Variants in XNDC1N observed in about 807,000 individuals in gnomAD.
The protein encoded by XNDC1N is protein XNDC1N.
the XNDC1N span, chr11:71,903,418 C>G: frequency 8.0e-7 from 1 of 1,249,466 alleles, no homozygotes; most frequent in Non-Finnish European, 1.2e-6. Flanking sequence ...CACCTCCACA[C>G]GGTCCCCAAG....
the XNDC1N span, among the ~76,000 whole-genome samples, chr11:71,870,360 C>T: frequency 6.6e-6 from 1 of 152,154 alleles, no homozygotes; most frequent in East Asian, 1.9e-4. Flanking sequence ...CAGCTCATTA[C>T]TCCGGGGCTG....
At chr11:71,914,188 C>T in the XNDC1N span, 8 of 412,400 alleles carry the variant, frequency 1.9e-5, no homozygotes, top group East Asian at 7.3e-5. Flanking sequence ...ATATAGATAG[C>T]GATTCCTCTG....
chr11:71,899,860 G>C, the XNDC1N span, among the ~76,000 whole-genome samples: 8 of 152,198 alleles, frequency 5.3e-5, no homozygotes, highest in Admixed American at 5.2e-4. Context: ...AGTTGAGAGA[G>C]AGGAAGGCCC....
At chr11:71,919,081 G>A in the XNDC1N span, 1 of 694,960 alleles carries the variant, frequency 1.4e-6, no homozygotes, top group East Asian at 2.7e-5. Flanking sequence ...AGGGAAAAAG[G>A]ATGCCCATGA....
At chr11:71,890,840 C>A in the XNDC1N span, among the ~76,000 whole-genome samples, 1 of 151,926 alleles carries the variant, frequency 6.6e-6, no homozygotes, top group Non-Finnish European at 1.5e-5. Flanking sequence ...ATGTACAGAC[C>A]CTGCGACCTT....
At chr11:71,925,177 CAG>C in the XNDC1N span, among the ~76,000 whole-genome samples, 1 of 152,030 alleles carries the variant, frequency 6.6e-6, no homozygotes, top group Non-Finnish European at 1.5e-5. Context: ...TAGCCTTTAA[CAG>C]AGTGCCTCAC....
the XNDC1N span, chr11:71,894,403 C>T: frequency 1.1e-5 from 3 of 262,742 alleles, no homozygotes; most frequent in Admixed American, 4.8e-5. Context: ...AGTCGAATCT[C>T]ATGATCTGTT....
At chr11:71,919,237 C>T in the XNDC1N span, among the ~76,000 whole-genome samples, 375 of 152,266 alleles carry the variant, frequency 2.5e-3, no homozygotes, top group African/African-American at 8.5e-3. Flanking sequence ...CAGATGACCT[C>T]CTTTAATCTT....
At chr11:71,906,683 G>A in the XNDC1N span, among the ~76,000 whole-genome samples, 21 of 152,102 alleles carry the variant, frequency 1.4e-4, no homozygotes, top group African/African-American at 4.6e-4. Flanking sequence ...CTATTAAAAG[G>A]TGTACAGGAC....
the XNDC1N span, among the ~76,000 whole-genome samples, chr11:71,885,968 TG>T: frequency 6.6e-6 from 1 of 151,984 alleles, no homozygotes; most frequent in Admixed American, 6.6e-5. Context: ...TTATTAATAT[TG>T]ATAATTATTA....
chr11:71,886,210 G>A, the XNDC1N span, among the ~76,000 whole-genome samples: 2 of 152,022 alleles, frequency 1.3e-5, no homozygotes, highest in African/African-American at 2.4e-5. Flanking sequence ...GTCCTATACC[G>A]AAAAGCCACA....
the XNDC1N span, among the ~76,000 whole-genome samples, chr11:71,907,395 C>CA: frequency 6.6e-6 from 1 of 151,472 alleles, no homozygotes; most frequent in Non-Finnish European, 1.5e-5. Context: ...CTCTTGCCCC[C>CA]CTGGCTCTTA....
chr11:71,919,027 CTAAG>C, the XNDC1N span: 2 of 702,584 alleles, frequency 2.8e-6, no homozygotes, highest in African/African-American at 1.7e-5. Context: ...ACTTGGGATC[CTAAG>C]TAAGAGAGGA....
chr11:71,881,604 C>T, the XNDC1N span, among the ~76,000 whole-genome samples: 3 of 151,728 alleles, frequency 2.0e-5, no homozygotes, highest in East Asian at 3.9e-4. Flanking sequence ...AGGGCCATAC[C>T]CTGGGAGTCT....
the XNDC1N span, among the ~76,000 whole-genome samples, chr11:71,906,905 A>G: frequency 1.3e-5 from 2 of 152,164 alleles, no homozygotes; most frequent in African/African-American, 4.8e-5. Flanking sequence ...GTGATATCTT[A>G]TAAGGGTAAT....
the XNDC1N span, among the ~76,000 whole-genome samples, chr11:71,897,274 C>T: frequency 1.3e-5 from 2 of 152,022 alleles, no homozygotes; most frequent in African/African-American, 2.4e-5. Context: ...AAAAACATGG[C>T]GAACTGAGTG....
chr11:71,877,957 C>G, the XNDC1N span, among the ~76,000 whole-genome samples: 1 of 152,170 alleles, frequency 6.6e-6, no homozygotes, highest in Non-Finnish European at 1.5e-5. Context: ...ATCGATTGGA[C>G]AGAAAGATAA....
the XNDC1N span, among the ~76,000 whole-genome samples, chr11:71,885,833 C>A: frequency 1.8e-4 from 27 of 151,654 alleles, no homozygotes; most frequent in African/African-American, 6.5e-4. Context: ...TGAATAAGAT[C>A]AATATCAGTT....
At chr11:71,917,753 G>T in the XNDC1N span, 1 of 703,286 alleles carries the variant, frequency 1.4e-6, no homozygotes, top group East Asian at 2.7e-5. Flanking sequence ...ACATCAATTT[G>T]CAGGAACGCA....
Sources: gnomAD v4.1 joint callset for allele counts (sites outside exome capture counted in the v4.1 genomes callset) on GRCh38, gnomAD v4.1.1 for gene constraint, MANE v1.5 for transcripts, NCBI Gene and HGNC (gene_info 2026-07-23, HGNC 2026-07-21) for gene names.